The following IL1RAPL1 variants were observed in gnomAD, a reference collection of about 807,000 sequenced individuals.
The protein encoded by IL1RAPL1 is interleukin-1 receptor accessory protein-like 1.
Under a neutral mutation model 48.4 loss-of-function variants are expected in IL1RAPL1, and 3 were observed. The observed-to-expected ratio is 0.06, with a 90% CI of 0.03 to 0.16. IL1RAPL1 has a LOEUF of 0.16. IL1RAPL1 is among the 10% of genes least tolerant of loss of function. The pLI is 1.00. For synonymous variants in IL1RAPL1, 185 were observed against 187.7 expected, an observed-to-expected ratio of 0.99 and a Z score of 0.12; for missense variants, 349 against 530.6, an observed-to-expected ratio of 0.66 and a Z score of 3.36.
chrX:28,722,412 G>A (rs1935597000), intron 1 of IL1RAPL1, among the ~76,000 whole-genome samples: 2 of 111,410 alleles, frequency 1.8e-5, no homozygotes, highest in African/African-American at 3.3e-5. Context: ...TGGTGTATAA[G>A]AATGCTTGTG....
chrX:28,887,231 C>A (rs533398250), intron 2 of IL1RAPL1, among the ~76,000 whole-genome samples: 3 of 111,314 alleles, frequency 2.7e-5, no homozygotes, highest in African/African-American at 9.8e-5. Context: ...CAGTGTTCAG[C>A]GATCTTGCTC....
intron 3 of IL1RAPL1, among the ~76,000 whole-genome samples, chrX:29,296,047 G>A (rs769897163): frequency 8.9e-5 from 10 of 111,964 alleles, no homozygotes; most frequent in African/African-American, 2.9e-4. Context: ...GAGCTATGAA[G>A]AGAGTGCTCT....
At chrX:29,772,113 CA>C (rs1929082490) in intron 6 of IL1RAPL1, among the ~76,000 whole-genome samples, 1 of 109,467 alleles carries the variant, frequency 9.1e-6, no homozygotes, top group African/African-American at 3.3e-5. Flanking sequence ...GAGACACACC[CA>C]AACCGTATTA....
intron 5 of IL1RAPL1, among the ~76,000 whole-genome samples, chrX:29,593,304 G>T (rs1188561498): frequency 9.0e-6 from 1 of 111,666 alleles, no homozygotes; most frequent in African/African-American, 3.3e-5. Context: ...TCAGATCTTG[G>T]CATATGGTTC....
chrX:29,289,606 A>C (rs1250985218), intron 3 of IL1RAPL1, among the ~76,000 whole-genome samples: 1 of 111,900 alleles, frequency 8.9e-6, no homozygotes, highest in East Asian at 2.8e-4. Flanking sequence ...ATGTCTACAA[A>C]AATCCTTACT....
At chrX:29,927,888 AGGAG>A (rs1229286766) in intron 8 of IL1RAPL1, among the ~76,000 whole-genome samples, 29 of 84,023 alleles carry the variant, frequency 3.5e-4, no homozygotes, top group African/African-American at 6.3e-4. Flanking sequence ...CTTCAAAAGC[AGGAG>A]GGAGGGAGGG....
intron 3 of IL1RAPL1, among the ~76,000 whole-genome samples, chrX:29,339,926 ATGTATATT>A (rs755450187): frequency 2.1e-3 from 234 of 111,893 alleles, no homozygotes; most frequent in Non-Finnish European, 2.5e-3. Context: ...TTGTCTTTAT[ATGTATATT>A]TTTTCATCAG....
chrX:29,574,608 G>A (rs1402975143), intron 5 of IL1RAPL1, among the ~76,000 whole-genome samples: 1 of 110,962 alleles, frequency 9.0e-6, no homozygotes, highest in Non-Finnish European at 1.9e-5. Context: ...ATTAGCATTC[G>A]GCTCCTCTTT....
intron 2 of IL1RAPL1, among the ~76,000 whole-genome samples, chrX:28,859,550 G>T (rs964879898): frequency 1.8e-5 from 2 of 110,817 alleles, no homozygotes; most frequent in South Asian, 3.8e-4. Context: ...GAGCCACCGC[G>T]CCTGGGCAAG....
At chrX:29,329,888 A>G (rs1040118857) in intron 3 of IL1RAPL1, among the ~76,000 whole-genome samples, 4 of 111,411 alleles carry the variant, frequency 3.6e-5, no homozygotes, top group East Asian at 2.8e-4. Context: ...GCTGAGCTAA[A>G]GAAGGCAGCT....
At chrX:29,634,512 C>T (rs1045263217) in intron 5 of IL1RAPL1, among the ~76,000 whole-genome samples, 2 of 110,615 alleles carry the variant, frequency 1.8e-5, no homozygotes, top group Non-Finnish European at 3.8e-5. Context: ...CCTACCACCC[C>T]TCTATGCTTA....
chrX:28,768,749 C>CTATATATATATA (rs1333539964), intron 1 of IL1RAPL1, among the ~76,000 whole-genome samples: 2 of 69,806 alleles, frequency 2.9e-5, no homozygotes, highest in African/African-American at 5.8e-5. Flanking sequence ...CTCTCTCTCT[C>CTATATATATATA]TCTCTCTATA....
At chrX:28,839,793 A>G (rs1279987591) in intron 2 of IL1RAPL1, among the ~76,000 whole-genome samples, 3 of 111,131 alleles carry the variant, frequency 2.7e-5, no homozygotes, top group Non-Finnish European at 5.7e-5. Context: ...GAAACTCAGG[A>G]TGTAAGCCTG....
chrX:29,616,162 A>G (rs997307904), intron 5 of IL1RAPL1, among the ~76,000 whole-genome samples: 3 of 111,582 alleles, frequency 2.7e-5, no homozygotes, highest in Non-Finnish European at 5.6e-5. Flanking sequence ...AGAGAAGCAA[A>G]GTCTTCAAGA....
At chrX:29,424,841 A>G (rs923570172) in intron 5 of IL1RAPL1, among the ~76,000 whole-genome samples, 1 of 111,993 alleles carries the variant, frequency 8.9e-6, no homozygotes, top group Admixed American at 9.5e-5. Context: ...GGATGTTGAC[A>G]TTATGAAGGA....
At chrX:29,681,983 A>C (rs1366419770) in intron 6 of IL1RAPL1, among the ~76,000 whole-genome samples, 1 of 111,612 alleles carries the variant, frequency 9.0e-6, no homozygotes, top group African/African-American at 3.3e-5. Context: ...GAAATGTTTG[A>C]GGTGATAAAT....
chrX:29,040,468 A>G (rs887180372), intron 2 of IL1RAPL1, among the ~76,000 whole-genome samples: 4 of 111,803 alleles, frequency 3.6e-5, no homozygotes, highest in African/African-American at 9.8e-5. Flanking sequence ...TGCATTTCCA[A>G]TGAGCTCTTT....
chrX:28,737,167 TTCC>T (rs1569161820), intron 1 of IL1RAPL1, among the ~76,000 whole-genome samples: 38 of 76,610 alleles, frequency 5.0e-4, no homozygotes, highest in African/African-American at 2.0e-3. Context: ...CCTTCCTTCC[TTCC>T]TTCCTTCCTT....
chrX:29,575,683 G>T (rs1385465511), intron 5 of IL1RAPL1, among the ~76,000 whole-genome samples: 2 of 112,240 alleles, frequency 1.8e-5, no homozygotes, highest in Non-Finnish European at 3.8e-5. Flanking sequence ...TAGGCATTCT[G>T]CAATCCAATC....
Sources: gnomAD v4.1 joint callset for allele counts (sites outside exome capture counted in the v4.1 genomes callset) on GRCh38, gnomAD v4.1.1 for gene constraint, MANE v1.5 for transcripts, NCBI Gene and HGNC (gene_info 2026-07-23, HGNC 2026-07-21) for gene names.